Variants in SLCO1A2 observed in about 807,000 individuals in gnomAD.
The protein encoded by SLCO1A2 is OATP-1.
In SLCO1A2, 67 loss-of-function variants were observed where a neutral mutation model predicts 69.0. That is an observed-to-expected ratio of 0.97 (90% CI 0.80 to 1.19). The LOEUF is 1.19. Ranked by LOEUF, SLCO1A2 falls within the 50% of genes most tolerant of loss-of-function variation. The pLI, the probability that SLCO1A2 is intolerant of heterozygous loss-of-function variation, is 0.00. For synonymous variants in SLCO1A2, 260 were observed against 265.9 expected (o/e 0.98, Z 0.22); for missense variants, 787 against 793.7 (o/e 0.99, Z 0.10).
Position 21,265,523 on chromosome 12 carries a change from G to A in SLCO1A2, c.*4025C>T, listed in dbSNP as rs1941981954. 2 of 152,222 alleles carry A rather than the reference G, an allele frequency of 1.3e-5. No homozygotes were observed. Among genetic ancestry groups the A allele is most frequent in the Admixed American group, 1.3e-4 (2 of 15,252 alleles). The allele number at this position is 152,222 out of a possible 1,614,324, so 9.4% of individuals were successfully genotyped here. A position where few individuals can be genotyped will look rare whatever the true frequency, so the allele number is the denominator to read the frequency against. On this transcript the variant is annotated 3_prime_UTR_variant, in exon 15 of 15. Transcript: ENST00000683939. ...TGTTAACAAATCATCTGCCCTTGAT[G>A]CTCAAGTTTGTTCCTCCAACCTAGA...
chr12:21,341,883 AAAATG>A (rs1953080848), intron 2 of SLCO1A2, among the ~76,000 whole-genome samples: 3 of 152,056 alleles, frequency 2.0e-5, no homozygotes, highest in Admixed American at 6.6e-5. Flanking sequence ...ACGAGTAAAT[AAAATG>A]ATGATTTAAA....
At chr12:21,299,973 T>G (rs906542965) in intron 8 of SLCO1A2, among the ~76,000 whole-genome samples, 16 of 148,586 alleles carry the variant, frequency 1.1e-4, no homozygotes, top group Middle Eastern at 3.5e-3. Context: ...TGTGTACATA[T>G]ATATGTGTAT....
chr12:21,319,705 T>C lies in SLCO1A2; in HGVS notation c.61-782A>G. 4.1e-5 allele frequency: 12 copies of C among 289,756 alleles called. No individual in the cohort carries two copies. In the South Asian group the frequency reaches 4.3e-4, roughly 10 times the overall value. The allele number at this position is 289,756 out of a possible 1,614,324, so 17.9% of individuals were successfully genotyped here. On this transcript the variant is annotated intron_variant, in intron 2 of 14. Transcript: ENST00000683939. ...GTTTATCCTTACTGCTTGCCTAATA[T>C]ATATACTATAAATTTCCATAGGTTT... is the stretch of plus-strand genomic sequence containing the variant.
At chr12:21,291,501 A>C (rs3794320) in intron 12 of SLCO1A2, among the ~76,000 whole-genome samples, 27,133 of 152,072 alleles carry the variant, frequency 0.18, 3,111 homozygotes, top group African/African-American at 0.32. Context: ...ACTCTACTTT[A>C]GAGCTCCAAA....
chr12:21,365,178 G>A lies in SLCO1A2; in HGVS notation c.-63+9221C>T, dbSNP rs983239293. On this transcript the variant is annotated intron_variant, in intron 2 of 15. Transcript: ENST00000307378. ...AAGGCTACAGTAACCAAAACAGCAT[G>A]GTACTGGTACCAAAACAGAGATATA... 3.3e-5 allele frequency among the ~76,000 whole-genome samples: 5 copies of A among 152,128 alleles called. No individual in the cohort carries two copies. The East Asian group carries it at 9.6e-4, about 29-fold the overall frequency.
intron 2 of SLCO1A2, among the ~76,000 whole-genome samples, chr12:21,331,212 C>T (rs947878655): frequency 6.6e-6 from 1 of 151,870 alleles, no homozygotes; most frequent in Admixed American, 6.6e-5. Context: ...TGAGTGATGC[C>T]TTTGTTCTGA....
intron 2 of SLCO1A2, among the ~76,000 whole-genome samples, chr12:21,341,407 A>G (rs768116019): frequency 3.3e-5 from 5 of 151,578 alleles, no homozygotes; most frequent in Non-Finnish European, 7.4e-5. Context: ...CACCAATTAA[A>G]AAGTCATTAA....
chr12:21,394,188 G>A (rs183074534), intron 1 of SLCO1A2, among the ~76,000 whole-genome samples: 5 of 152,298 alleles, frequency 3.3e-5, no homozygotes, highest in Admixed American at 1.3e-4. Flanking sequence ...AAAAGACACT[G>A]TCTATGTATG....
chr12:21,396,061 G>A (rs1941443801), upstream of SLCO1A2, among the ~76,000 whole-genome samples: 1 of 151,764 alleles, frequency 6.6e-6, no homozygotes, highest in South Asian at 2.1e-4. Flanking sequence ...GGCTTCAGAC[G>A]ATCAAATTAC....
chr12:21,396,880 C>G (rs1016466681), upstream of SLCO1A2, among the ~76,000 whole-genome samples: 2 of 152,070 alleles, frequency 1.3e-5, no homozygotes, highest in African/African-American at 2.4e-5. Flanking sequence ...AAGCACTAAA[C>G]ATGGAAAGGA....
At position 21,401,937 on chromosome 12, in the gene SLCO1A2, A is replaced by T. The variant is rs543574060; in HGVS notation, c.-312+15945T>A. Among the ~76,000 whole-genome samples, 28 of 151,768 alleles carry T rather than the reference A, an allele frequency of 1.8e-4. No homozygotes were observed. The South Asian group carries it at 5.4e-3, about 29-fold the overall frequency. On this transcript the variant is annotated intron_variant, in intron 1 of 4. Transcript: ENST00000413682. ...AAATATATAATAGCTCAGCAGAGAAAGTATAGCTTCTTTAGTAAATGATTT... is the reference window on the plus strand; with the variant it reads ...AAATATATAATAGCTCAGCAGAGAATGTATAGCTTCTTTAGTAAATGATTT...
At chr12:21,349,309 T>C (rs189537711) in intron 2 of SLCO1A2, among the ~76,000 whole-genome samples, 3 of 152,240 alleles carry the variant, frequency 2.0e-5, no homozygotes, top group Non-Finnish European at 2.9e-5. Flanking sequence ...CTTAAGAGCA[T>C]TGGAGTCCTG....
intron 1 of SLCO1A2, among the ~76,000 whole-genome samples, chr12:21,376,165 A>C (rs1284529690): frequency 6.6e-6 from 1 of 152,180 alleles, no homozygotes; most frequent in Non-Finnish European, 1.5e-5. Flanking sequence ...AAATTATATT[A>C]TTGACCTTCC....
At chr12:21,409,060 G>A (rs1941867513) in intron 1 of SLCO1A2, among the ~76,000 whole-genome samples, 1 of 152,166 alleles carries the variant, frequency 6.6e-6, no homozygotes, top group Non-Finnish European at 1.5e-5. Context: ...AAAGAAAACT[G>A]AGAATCTTCT....
At position 21,352,999 on chromosome 12, in the gene SLCO1A2, C is replaced by T. The variant is rs566907952; in HGVS notation, c.-62-18290G>A. ...AGATTTCAACTTTAATTATATGCTACCTCTCTGAGCAGTGCTACAACAAAA... is the reference window on the plus strand; with the variant it reads ...AGATTTCAACTTTAATTATATGCTATCTCTCTGAGCAGTGCTACAACAAAA... On this transcript the variant is annotated intron_variant, in intron 2 of 15. Transcript: ENST00000307378. 3.3e-5 allele frequency among the ~76,000 whole-genome samples: 5 copies of T among 152,292 alleles called. No individual in the cohort carries two copies. In the South Asian group the frequency reaches 6.2e-4, roughly 19 times the overall value.
rs1178949096 is a variant in SLCO1A2, at chr12:21,275,382, A to G, written c.1653T>C (p.His551=). Residue 551 remains histidine, a synonymous_variant, in exon 13 of 15, where the codon CAT becomes CAC. Transcript: ENST00000683939. ...SEEKSLGVGL[H]TFCTRVFAGI... ...TACCAAATACTCTTGTGCAAAATGT[A>G]TGTAATCCCACACCAAGGGACTTCT... The G allele has an allele frequency of 1.9e-6, 3 of 1,559,702 alleles. No individual in the cohort carries two copies. The highest frequency in any genetic ancestry group is 1.7e-6 in the Non-Finnish European group (2 of 1,143,900).
At chr12:21,410,469 T>G (rs559585055) in intron 1 of SLCO1A2, among the ~76,000 whole-genome samples, 12 of 152,210 alleles carry the variant, frequency 7.9e-5, no homozygotes, top group Non-Finnish European at 1.2e-4. Flanking sequence ...ATTAATTTAT[T>G]GATATAGCTG....
At chr12:21,282,400 A>G (rs551145434) in intron 12 of SLCO1A2, among the ~76,000 whole-genome samples, 35 of 152,134 alleles carry the variant, frequency 2.3e-4, no homozygotes, top group Non-Finnish European at 4.7e-4. Context: ...ATGGTAAAAA[A>G]AAAAACTCTC....
At chr12:21,311,240 C>T (rs947450526) in intron 4 of SLCO1A2, among the ~76,000 whole-genome samples, 3 of 152,132 alleles carry the variant, frequency 2.0e-5, no homozygotes, top group African/African-American at 7.2e-5. Context: ...AGTCTTGTGA[C>T]TTTGTTCACT....
Sources: gnomAD v4.1 joint callset for allele counts (sites outside exome capture counted in the v4.1 genomes callset) on GRCh38, gnomAD v4.1.1 for gene constraint, MANE v1.5 for transcripts, NCBI Gene and HGNC (gene_info 2026-07-23, HGNC 2026-07-21) for gene names.